ZCWPW2: variants seen among roughly 807,000 people sequenced by gnomAD.
ZCWPW2 encodes zinc finger CW-type and PWWP domain containing 2, also known as zinc finger CW-type PWWP domain protein 2.
In ZCWPW2, 45 loss-of-function variants were observed where a neutral mutation model predicts 46.6. The ratio of observed to expected loss-of-function variants is 0.96; its 90% CI spans 0.76 to 1.24. The LOEUF (loss-of-function observed/expected upper bound fraction) is 1.24. Ranked by LOEUF, ZCWPW2 falls within the 50% of genes most tolerant of loss-of-function variation. The probability of loss-of-function intolerance (pLI) is 0.00; values close to 1 mark genes in which losing one functional copy is unlikely to be tolerated. For synonymous variants in ZCWPW2, 152 were observed against 137.1 expected, an observed-to-expected ratio of 1.11 and a Z score of -0.76; for missense variants, 429 against 403.9, an observed-to-expected ratio of 1.06 and a Z score of -0.53.
intron 5 of ZCWPW2, among the ~76,000 whole-genome samples, chr3:28,479,481 A>C (rs1312831328): frequency 6.6e-6 from 1 of 152,200 alleles, no homozygotes; most frequent in Non-Finnish European, 1.5e-5. Context: ...TTAGCTTTTT[A>C]AGTGAAACCA....
At chr3:28,405,776 C>T (rs1217637023) in intron 2 of ZCWPW2, among the ~76,000 whole-genome samples, 5 of 152,036 alleles carry the variant, frequency 3.3e-5, no homozygotes, top group African/African-American at 1.2e-4. Flanking sequence ...ACCCGGCCAA[C>T]AGACTGTTAA....
At chr3:28,476,426 C>T (rs1699240660) in intron 4 of ZCWPW2, among the ~76,000 whole-genome samples, 1 of 152,124 alleles carries the variant, frequency 6.6e-6, no homozygotes, top group Admixed American at 6.6e-5. Context: ...CAAAGACTCC[C>T]AGACACAAGT....
rs536392195 is a variant in ZCWPW2 at position 28,515,634 on chromosome 3, C to T, written c.784+13C>T. On this transcript the variant is annotated intron_variant, in intron 8 of 9. Transcript: ENST00000383768. Reference sequence around the variant, plus strand: ...AAGGAGAACAGGGGTATGTGAAAGCCTGTCCTGCTTTTAGTTCTTTAACCT... The same window carrying T: ...AAGGAGAACAGGGGTATGTGAAAGCTTGTCCTGCTTTTAGTTCTTTAACCT... 6.3e-7 allele frequency: 1 copy of T among 1,597,414 alleles called. No homozygotes were observed. Among genetic ancestry groups the T allele is most frequent in the Admixed American group, 1.7e-5 (1 of 58,630 alleles).
intron 6 of ZCWPW2, among the ~76,000 whole-genome samples, chr3:28,498,146 T>C (rs1700045543): frequency 1.3e-5 from 2 of 151,978 alleles, no homozygotes; most frequent in Admixed American, 1.3e-4. Flanking sequence ...AAAACAATAG[T>C]GTACCCAGCT....
chr3:28,351,602 ATATT>A (rs1176527329), intron 1 of ZCWPW2: 1 of 151,770 alleles, frequency 6.6e-6, no homozygotes, highest in African/African-American at 2.4e-5. Context: ...GCTGTGAAGA[ATATT>A]TACAGTAAAA....
At position 28,515,715 on chromosome 3, in the gene ZCWPW2, CTGTGTGTGTGTG is replaced by C. The variant is rs10539082; in HGVS notation, c.784+114_784+125del. 4.0e-4 allele frequency: 269 copies of C among 666,438 alleles called. 1 individual carries two copies. The highest frequency in any genetic ancestry group is 5.8e-4 in the Non-Finnish European group (237 of 406,044). The allele number at this position is 666,438 out of a possible 1,614,324, so 41.3% of individuals were successfully genotyped here. On this transcript the variant is annotated intron_variant, in intron 8 of 9. Transcript: ENST00000383768. ...CCTTTGAAGGAAAAAAAAAGATTTC[CTGTGTGTGTGTG>C]TGTGTGTGTGTGTGTGTGTATACAC... is the stretch of plus-strand genomic sequence containing the variant.
chr3:28,375,768 C>T (rs1357579496), intron 1 of ZCWPW2, among the ~76,000 whole-genome samples: 1 of 150,702 alleles, frequency 6.6e-6, no homozygotes, highest in Non-Finnish European at 1.5e-5. Flanking sequence ...ATTAACTGTC[C>T]ACACTTCCCC....
intron 4 of ZCWPW2, among the ~76,000 whole-genome samples, chr3:28,452,947 C>G (rs1312412066): frequency 6.6e-6 from 1 of 152,132 alleles, no homozygotes; most frequent in African/African-American, 2.4e-5. Flanking sequence ...AGAAGTAGAG[C>G]TAGTTGATCA....
chr3:28,396,194 A>G (rs1203045339), intron 2 of ZCWPW2, among the ~76,000 whole-genome samples: 2 of 152,162 alleles, frequency 1.3e-5, no homozygotes, highest in African/African-American at 4.8e-5. Context: ...ATAAGAACAC[A>G]GAGGTCCTCT....
rs76373778 is a variant in ZCWPW2, at chr3:28,482,766, T to C, written c.610+3835T>C. Among the ~76,000 whole-genome samples, 555 of 152,332 alleles carry C rather than the reference T, an allele frequency of 3.6e-3. 3 individuals are homozygous for C. The highest frequency in any genetic ancestry group is 0.012 in the African/African-American group (500 of 41,578). The stretch of plus-strand genomic sequence containing the variant: ...TAATGACATATGATGTTGAACATCC[T>C]TTCATATACTTATTTGCCACCTTTC... On this transcript the variant is annotated intron_variant, in intron 5 of 9. Transcript: ENST00000383768.
intron 2 of ZCWPW2, among the ~76,000 whole-genome samples, chr3:28,411,977 G>A (rs936141245): frequency 4.0e-5 from 6 of 151,880 alleles, no homozygotes; most frequent in South Asian, 2.1e-4. Context: ...CAAAATTTTC[G>A]AACTATGGCT....
At chr3:28,406,911 T>G (rs1696186890) in intron 2 of ZCWPW2, among the ~76,000 whole-genome samples, 2 of 151,566 alleles carry the variant, frequency 1.3e-5, no homozygotes, top group South Asian at 4.2e-4. Context: ...CACTGCAGCT[T>G]CCAACTCCTG....
At chr3:28,469,849 C>T (rs1315222364) in intron 4 of ZCWPW2, among the ~76,000 whole-genome samples, 3 of 152,086 alleles carry the variant, frequency 2.0e-5, no homozygotes, top group Non-Finnish European at 4.4e-5. Flanking sequence ...CAACATCCCA[C>T]TTTCAGCATT....
intron 4 of ZCWPW2, among the ~76,000 whole-genome samples, chr3:28,465,147 G>T (rs1698771454): frequency 1.3e-5 from 2 of 151,890 alleles, no homozygotes; most frequent in Non-Finnish European, 2.9e-5. Context: ...TTGCTAATTT[G>T]TTTCTAAAAT....
chr3:28,389,668 C>T (rs1465720078), intron 1 of ZCWPW2, among the ~76,000 whole-genome samples: 1 of 152,170 alleles, frequency 6.6e-6, no homozygotes, highest in Non-Finnish European at 1.5e-5. Flanking sequence ...GTACCAGAAT[C>T]TGTCTTAGAG....
intron 5 of ZCWPW2, among the ~76,000 whole-genome samples, chr3:28,480,826 C>T (rs1233429926): frequency 1.3e-5 from 2 of 151,164 alleles, no homozygotes; most frequent in African/African-American, 4.9e-5. Context: ...TCTCCCAGTA[C>T]CATTTATTAA....
intron 5 of ZCWPW2, among the ~76,000 whole-genome samples, chr3:28,481,298 CA>C (rs1241425803): frequency 1.3e-5 from 2 of 152,098 alleles, no homozygotes; most frequent in Non-Finnish European, 2.9e-5. Flanking sequence ...GGCTGGAGTG[CA>C]GTGGCGCGAT....
chr3:28,442,351 G>A (rs11919446), intron 4 of ZCWPW2, among the ~76,000 whole-genome samples: 3,993 of 152,244 alleles, frequency 0.026, 153 homozygotes, highest in African/African-American at 0.085. Flanking sequence ...ATTTTAATTG[G>A]ATTTATTTCC....
intron 4 of ZCWPW2, among the ~76,000 whole-genome samples, chr3:28,477,416 AT>A: frequency 6.6e-6 from 1 of 152,336 alleles, no homozygotes; most frequent in South Asian, 2.1e-4. Context: ...TTTGTATAAT[AT>A]ACCATGAGGT....
Sources: allele counts gnomAD v4.1 joint callset (sites outside exome capture counted in the v4.1 genomes callset), GRCh38; gene constraint gnomAD v4.1.1; transcripts MANE v1.5; gene names NCBI Gene and HGNC (gene_info 2026-07-23, HGNC 2026-07-21).